Variants in SP140 observed in about 807,000 individuals in gnomAD.
SP140 encodes the protein SP140 nuclear body protein, also known as nuclear body protein SP140.
In SP140, 81 loss-of-function variants were observed where a neutral mutation model predicts 125.0. The ratio of observed to expected loss-of-function variants is 0.65; its 90% CI spans 0.54 to 0.78. The LOEUF (loss-of-function observed/expected upper bound fraction) is 0.78. Ranked by LOEUF, SP140 falls within the 30% of genes least tolerant of loss-of-function variation. The pLI, the probability that SP140 is intolerant of heterozygous loss-of-function variation, is 0.00. For synonymous variants in SP140, 312 were observed against 354.0 expected, an observed-to-expected ratio of 0.88 and a Z score of 1.33; for missense variants, 858 against 1,037.0, an observed-to-expected ratio of 0.83 and a Z score of 2.37.
Position 230,270,615 on chromosome 2 carries a change from T to A in SP140, c.1474T>A (p.Leu492Met), listed in dbSNP as rs377342881. The A allele has an allele frequency of 5.0e-5, 81 of 1,610,188 alleles. No individual in the cohort carries two copies. Among genetic ancestry groups the A allele is most frequent in the Non-Finnish European group, 6.4e-5 (75 of 1,178,316 alleles). The change falls in exon 15 of 27, where the codon TTG becomes ATG. Residue 492 changes from leucine to methionine, a missense_variant. Leu to Met is a conservative substitution (Grantham distance 15). Coordinates refer to ENST00000392045, the MANE Select transcript of SP140 (RefSeq NM_007237.5). ...DTVDIANNST[L>M]GKPKRKRRKK... ...TGTGGATATTGCAAACAACTCCACTTTGGGAAAACCCAAGAGGAAAAGAAG... is the reference window on the plus strand; with the variant it reads ...TGTGGATATTGCAAACAACTCCACTATGGGAAAACCCAAGAGGAAAAGAAG...
intron 17 of SP140, among the ~76,000 whole-genome samples, chr2:230,286,580 A>G (rs1214534147): frequency 6.6e-6 from 1 of 152,230 alleles, no homozygotes; most frequent in Non-Finnish European, 1.5e-5. Context: ...GCTTTCATCA[A>G]GTCCACTGCA....
At chr2:230,191,748 T>C in the SP140 span, among the ~76,000 whole-genome samples, 5 of 152,014 alleles carry the variant, frequency 3.3e-5, no homozygotes, top group African/African-American at 1.2e-4. Context: ...TTCCAAACAA[T>C]TGAAAAGGAG....
intron 10 of SP140, among the ~76,000 whole-genome samples, chr2:230,252,278 G>A (rs2050487612): frequency 6.6e-6 from 1 of 152,030 alleles, no homozygotes; most frequent in Admixed American, 6.6e-5. Context: ...GAGATGTTTG[G>A]AAGAGAAAGT....
chr2:230,306,406 G>GC (rs1559371132), intron 22 of SP140, among the ~76,000 whole-genome samples: 1 of 152,212 alleles, frequency 6.6e-6, no homozygotes, highest in Non-Finnish European at 1.5e-5. Context: ...GGCTGAGGCC[G>GC]CCCCACTCTG....
At chr2:230,227,817 A>C (rs2046683577) in intron 1 of SP140, among the ~76,000 whole-genome samples, 1 of 151,946 alleles carries the variant, frequency 6.6e-6, no homozygotes, top group South Asian at 2.1e-4. Context: ...TTTCTTTGTT[A>C]GGCTGGCTAG....
chr2:230,223,500 T>C (rs946933446), upstream of SP140, among the ~76,000 whole-genome samples: 13 of 152,214 alleles, frequency 8.5e-5, no homozygotes, highest in African/African-American at 2.7e-4. Flanking sequence ...TTCTAAGAAA[T>C]TGACTTTTTG....
At chr2:230,275,338 C>A (rs1480582364) in intron 15 of SP140, among the ~76,000 whole-genome samples, 1 of 151,828 alleles carries the variant, frequency 6.6e-6, no homozygotes. Context: ...CTTTTTCCAA[C>A]AGCATGTGCT....
intron 13 of SP140, 74 bp from the exon 14 acceptor site, chr2:230,269,763 G>A (rs1356063847): frequency 2.5e-6 from 3 of 1,215,920 alleles, no homozygotes; most frequent in Admixed American, 1.8e-5. Flanking sequence ...TAAAGAAGGG[G>A]GAGCAACAAG....
At chr2:230,226,762 C>CAAAAAA (rs11323886) in intron 1 of SP140, among the ~76,000 whole-genome samples, 51 of 94,194 alleles carry the variant, frequency 5.4e-4, no homozygotes, top group Non-Finnish European at 8.5e-4. Flanking sequence ...AATTCCATCT[C>CAAAAAA]AAAAAAAAAA....
At chr2:230,307,992 C>CAT (rs33922249) in intron 22 of SP140, among the ~76,000 whole-genome samples, 7,383 of 47,042 alleles carry the variant, frequency 0.16, 550 homozygotes, top group South Asian at 0.24. Flanking sequence ...TATATATATA[C>CAT]ACACACACAC....
the SP140 span, chr2:230,186,244 C>A: frequency 8.7e-7 from 1 of 1,148,874 alleles, no homozygotes; most frequent in Non-Finnish European, 1.3e-6. Context: ...ATAATTCTCT[C>A]TTTTCTTGTG....
intron 10 of SP140, among the ~76,000 whole-genome samples, chr2:230,251,866 A>T (rs1377357378): frequency 1.3e-5 from 2 of 152,104 alleles, no homozygotes; most frequent in African/African-American, 2.4e-5. Flanking sequence ...AGGAGCCAGA[A>T]ACACAGACGT....
At chr2:230,288,130 A>G in intron 18 of SP140, 164 bp downstream of exon 18, 1 of 647,010 alleles carries the variant, frequency 1.5e-6, no homozygotes, top group South Asian at 2.7e-5. Flanking sequence ...TGTGTCAAGG[A>G]AAGAAGGAAG....
intron 3 of SP140, among the ~76,000 whole-genome samples, chr2:230,217,500 A>T (rs1241511146): frequency 3.9e-5 from 6 of 152,228 alleles, no homozygotes; most frequent in Admixed American, 3.9e-4. Context: ...GGAAGGTATT[A>T]AAAGTAGCTA....
chr2:230,209,642 AG>A (rs1334917884), intron 1 of SP140, among the ~76,000 whole-genome samples: 2 of 152,208 alleles, frequency 1.3e-5, no homozygotes, highest in African/African-American at 4.8e-5. Flanking sequence ...TCAGTTAAAG[AG>A]GGAAGTGCAA....
intron 9 of SP140, among the ~76,000 whole-genome samples, chr2:230,249,888 G>A (rs1370212939): frequency 2.0e-5 from 3 of 152,158 alleles, no homozygotes; most frequent in East Asian, 3.9e-4. Context: ...CAGTGGCACA[G>A]AAGCATACTC....
the SP140 span, among the ~76,000 whole-genome samples, chr2:230,187,951 C>T: frequency 6.6e-6 from 1 of 152,126 alleles, no homozygotes; most frequent in East Asian, 1.9e-4. Flanking sequence ...GTTCTTTTTG[C>T]TTAGGATTGC....
intron 17 of SP140, among the ~76,000 whole-genome samples, chr2:230,287,451 A>T (rs2056530983): frequency 1.3e-5 from 2 of 152,138 alleles, no homozygotes; most frequent in South Asian, 4.1e-4. Flanking sequence ...GTTTTGTCTC[A>T]ATTTTCTCTG....
chr2:230,312,107 A>G (rs2149643556), intron 26 of SP140, among the ~76,000 whole-genome samples: 1 of 152,342 alleles, frequency 6.6e-6, no homozygotes, highest in South Asian at 2.1e-4. Context: ...TTTCTAACCC[A>G]CTGAAATAAG....
Sources: gnomAD v4.1 joint callset for allele counts (sites outside exome capture counted in the v4.1 genomes callset) on GRCh38, gnomAD v4.1.1 for gene constraint, MANE v1.5 for transcripts, NCBI Gene and HGNC (gene_info 2026-07-23, HGNC 2026-07-21) for gene names.